The following MED13 variants were observed in gnomAD, a reference collection of about 807,000 sequenced individuals.
The protein encoded by MED13 is mediator of RNA polymerase II transcription subunit 13.
In MED13, 23 loss-of-function variants were observed where a neutral mutation model predicts 225.2. That is an observed-to-expected ratio of 0.10 (90% CI 0.07 to 0.14). MED13 has a LOEUF of 0.14. MED13 is among the 10% of genes least tolerant of loss of function. The pLI is 1.00. For synonymous variants in MED13, 942 were observed against 889.2 expected (o/e 1.06, Z -1.06); for missense variants, 2,197 against 2,594.5 (o/e 0.85, Z 3.33).
chr17:61,956,749 C>G (rs1448657904), intron 23 of MED13, among the ~76,000 whole-genome samples: 1 of 152,082 alleles, frequency 6.6e-6, no homozygotes, highest in Admixed American at 6.6e-5. Flanking sequence ...CCGCGTTAGC[C>G]AGGATGGTCT....
intron 7 of MED13, 27 bp from the exon 8 acceptor site, chr17:62,029,678 T>C: frequency 9.5e-6 from 15 of 1,582,526 alleles, no homozygotes; most frequent in Non-Finnish European, 1.3e-5. Context: ...CAAAATTCTT[T>C]AAAATTCATA....
At chr17:61,958,897 A>G (rs554730626) in intron 23 of MED13, among the ~76,000 whole-genome samples, 1 of 152,348 alleles carries the variant, frequency 6.6e-6, no homozygotes, top group East Asian at 1.9e-4. Context: ...TCTAGACTTT[A>G]CAGATAAGTA....
Position 62,033,888 on chromosome 17 carries a change from T to C in MED13, c.713A>G (p.Gln238Arg). ...ATKKLIGEWK[Q>R]FYPISCCLKE... is the part of the protein sequence containing the mutation. ...CAAGCAACATGAGATAGGATAGAAC[T>C]GTTTCCATTCACCAATTAATTTTTT... Residue 238 changes from glutamine to arginine, a missense_variant, in exon 5 of 30, where the codon CAG becomes CGG. Coordinates refer to ENST00000397786, the MANE Select transcript of MED13 (RefSeq NM_005121.3). The C allele has an allele frequency of 6.2e-7, 1 of 1,614,166 alleles. No individual in the cohort carries two copies. Among genetic ancestry groups the C allele is most frequent in the Admixed American group, 1.7e-5 (1 of 60,010 alleles).
At chr17:62,008,689 C>A (rs2080477988) in intron 9 of MED13, among the ~76,000 whole-genome samples, 1 of 151,826 alleles carries the variant, frequency 6.6e-6, no homozygotes. Flanking sequence ...CCCCCGCCGC[C>A]CCCTCCCCCC....
intron 3 of MED13, among the ~76,000 whole-genome samples, chr17:62,043,345 T>A (rs1467523971): frequency 1.3e-5 from 2 of 151,954 alleles, no homozygotes; most frequent in Non-Finnish European, 2.9e-5. Context: ...ATTTCAGAAA[T>A]GATACATAAT....
At chr17:62,058,246 G>A (rs887741681) in intron 2 of MED13, among the ~76,000 whole-genome samples, 3 of 152,098 alleles carry the variant, frequency 2.0e-5, no homozygotes, top group African/African-American at 7.2e-5. Flanking sequence ...AGGCATGGTG[G>A]CTCATGCCTG....
At chr17:61,965,993 C>A (rs928086958) in intron 19 of MED13, among the ~76,000 whole-genome samples, 1 of 151,894 alleles carries the variant, frequency 6.6e-6, no homozygotes, top group Non-Finnish European at 1.5e-5. Context: ...TACAGTTAGG[C>A]ACGGGTAGAA....
chr17:61,951,131 GA>G (rs142933074), intron 27 of MED13, 133 bp from the exon 28 acceptor site: 11 of 610,570 alleles, frequency 1.8e-5, no homozygotes, highest in South Asian at 6.1e-5. Context: ...GAAGGATATT[GA>G]AAAAAAACCA....
intron 16 of MED13, among the ~76,000 whole-genome samples, chr17:61,981,277 C>A (rs1244094969): frequency 6.6e-6 from 1 of 152,182 alleles, no homozygotes; most frequent in Admixed American, 6.5e-5. Context: ...CTACCTCAGC[C>A]TCCCAAAGTG....
intron 8 of MED13, among the ~76,000 whole-genome samples, chr17:62,019,738 C>CTTTTTTTTTTTTTTTTTTT (rs1315308147): frequency 6.6e-6 from 1 of 150,394 alleles, no homozygotes; most frequent in Non-Finnish European, 1.5e-5. Flanking sequence ...AATTGAATTT[C>CTTTTTTTTTTTTTTTTTTT]TTTTTTTCTT....
intron 8 of MED13, among the ~76,000 whole-genome samples, chr17:62,027,888 T>C (rs903426046): frequency 1.3e-5 from 2 of 152,174 alleles, no homozygotes; most frequent in African/African-American, 4.8e-5. Context: ...CCAGTCAGAA[T>C]GGCTATTATT....
At chr17:61,963,060 C>G (rs919769252) in intron 20 of MED13, 89 bp from the exon 21 acceptor site, 2 of 1,050,812 alleles carry the variant, frequency 1.9e-6, no homozygotes, top group African/African-American at 3.2e-5. Context: ...CCCCTCCTCC[C>G]TCTTTTTTGG....
rs982985957 is a variant in MED13, at chr17:62,011,253, G to T, written c.1284-20C>A. 6.3e-7 allele frequency: 1 copy of T among 1,591,714 alleles called. No individual in the cohort carries two copies. The highest frequency in any genetic ancestry group is 8.6e-7 in the Non-Finnish European group (1 of 1,169,566). ...TTGTGCCTGAAAAGTGAAAATAAAG[G>T]TTTCATATTTACAGTATCACTATTA... is the stretch of plus-strand genomic sequence containing the variant. On this transcript the variant is annotated intron_variant, in intron 8 of 29. Coordinates refer to ENST00000397786, the MANE Select transcript of MED13 (RefSeq NM_005121.3).
chr17:62,023,357 T>C (rs2080668475), intron 8 of MED13, among the ~76,000 whole-genome samples: 2 of 152,116 alleles, frequency 1.3e-5, no homozygotes, highest in South Asian at 2.1e-4. Flanking sequence ...AGACTAGTAA[T>C]AGCAGGGAGC....
At chr17:61,972,959 T>G in intron 16 of MED13, 71 bp from the exon 17 acceptor site, 1 of 1,324,880 alleles carries the variant, frequency 7.5e-7, no homozygotes, top group Non-Finnish European at 1.0e-6. Flanking sequence ...TTTAAGATAA[T>G]ACAAAACACA....
rs1320159840 is a variant in MED13, at chr17:61,966,519, T to G, written c.4324A>C (p.Asn1442His). The change falls in exon 19 of 30, where the codon AAC becomes CAC. Residue 1442 changes from asparagine (N) to histidine (H), a missense_variant. Asn to His is a moderately conservative substitution (Grantham distance 68). Coordinates refer to ENST00000397786, the MANE Select transcript of MED13 (RefSeq NM_005121.3). Reference sequence around the variant, plus strand: ...TTGAGTTTAGAAAATGCTTCATTGTTACCGTCAGCTGCCTGAGAAAACCAT... The same window carrying G: ...TTGAGTTTAGAAAATGCTTCATTGTGACCGTCAGCTGCCTGAGAAAACCAT... ...AEWFSQAADG[N>H]NEAFSKLKLY... 4 of 1,613,976 alleles carry G rather than the reference T, an allele frequency of 2.5e-6. No homozygotes were observed. Among genetic ancestry groups the G allele is most frequent in the Non-Finnish European group, 3.4e-6 (4 of 1,179,900 alleles).
intron 3 of MED13, 95 bp downstream of exon 3, chr17:62,052,442 T>A: frequency 1.1e-6 from 1 of 919,968 alleles, no homozygotes; most frequent in Non-Finnish European, 1.5e-6. Context: ...CTGGAATATG[T>A]CTGTATATTA....
intron 11 of MED13, among the ~76,000 whole-genome samples, chr17:61,988,678 G>A (rs1410850743): frequency 6.6e-6 from 1 of 151,802 alleles, no homozygotes; most frequent in African/African-American, 2.4e-5. Flanking sequence ...ATATCCCAGG[G>A]AACATCCTAG....
At chr17:62,027,745 A>G (rs2143663452) in intron 8 of MED13, among the ~76,000 whole-genome samples, 1 of 152,332 alleles carries the variant, frequency 6.6e-6, no homozygotes, top group African/African-American at 2.4e-5. Context: ...AATCCTGTTA[A>G]AAAGTGGGCA....
Sources: gnomAD v4.1 joint callset for allele counts (sites outside exome capture counted in the v4.1 genomes callset) on GRCh38, gnomAD v4.1.1 for gene constraint, MANE v1.5 for transcripts, NCBI Gene and HGNC (gene_info 2026-07-23, HGNC 2026-07-21) for gene names.